Variants in DAO observed in about 807,000 individuals in gnomAD.
DAO encodes D-amino acid oxidase, also known as D-amino-acid oxidase.
In DAO, 51 loss-of-function variants were observed where a neutral mutation model predicts 50.1. The ratio of observed to expected loss-of-function variants is 1.02; its 90% CI spans 0.81 to 1.29. The LOEUF is 1.29. DAO is among the 50% of genes most tolerant of loss of function. DAO has a pLI of 0.00. For missense variants in DAO, 436 were observed against 439.4 expected, an observed-to-expected ratio of 0.99 and a Z score of 0.07; for synonymous variants, 160 against 166.2, an observed-to-expected ratio of 0.96 and a Z score of 0.29.
Position 108,880,187 on chromosome 12 carries a change from T to A in DAO, c.-47T>A. 1 of 454,568 alleles carries A rather than the reference T, an allele frequency of 2.2e-6. No individual in the cohort carries two copies. Among genetic ancestry groups the A allele is most frequent in the South Asian group, 1.6e-5 (1 of 64,130 alleles). 28.2% of individuals were successfully genotyped at this position (454,568 alleles called of 1,614,324 possible). On this transcript the variant is annotated 5_prime_UTR_variant, in exon 1 of 11. Transcript: ENST00000228476. Reference sequence around the variant, plus strand: ...GAAATAGCATCCTGTGTCCCCGCACTGCAGTTGTCTGGTCTCTCCAGCAGT... The same window carrying A: ...GAAATAGCATCCTGTGTCCCCGCACAGCAGTTGTCTGGTCTCTCCAGCAGT...
chr12:108,897,162 A>G (rs2039569218), intron 8 of DAO, 74 bp downstream of exon 8: 2 of 993,324 alleles, frequency 2.0e-6, no homozygotes, highest in Non-Finnish European at 3.2e-6. Flanking sequence ...GCCTCCCCCA[A>G]GCTCCTTACT....
intron 9 of DAO, 118 bp from the exon 10 acceptor site, chr12:108,899,259 G>A: frequency 1.4e-6 from 1 of 726,020 alleles, no homozygotes; most frequent in East Asian, 2.7e-5. Context: ...TGATAAAGAT[G>A]ACTGTGATTA....
At chr12:108,894,199 A>G in intron 6 of DAO, 64 bp from the exon 7 acceptor site, 2 of 1,229,044 alleles carry the variant, frequency 1.6e-6, no homozygotes, top group Non-Finnish European at 2.4e-6. Context: ...AGGGGAAGAG[A>G]GAACAGGGAA....
chr12:108,892,125 C>T (rs1335651304), intron 5 of DAO, among the ~76,000 whole-genome samples: 1 of 143,452 alleles, frequency 7.0e-6, no homozygotes, highest in African/African-American at 2.6e-5. Context: ...ATTTCCTGTT[C>T]TTTGGATGTT....
chr12:108,898,448 G>T, intron 8 of DAO: 1 of 536,966 alleles, frequency 1.9e-6, no homozygotes. Context: ...TGCAGTTGGT[G>T]GTGATGACCT....
In DAO at chr12:108,890,198, G is replaced by A. The variant is rs117594747; in HGVS notation, c.387-10G>A. On this transcript the variant is annotated splice_polypyrimidine_tract_variant and intron_variant, in intron 4 of 10. Coordinates refer to ENST00000228476, the MANE Select transcript of DAO (RefSeq NM_001917.5). ...CCTTTATTTCCACCTTTTGCTTACT[G>A]TGACTCTAGCTATGGCTGGTTCCAC... 0.019 allele frequency: 30,396 copies of A among 1,609,464 alleles called. 368 individuals carry two copies. The highest frequency in any genetic ancestry group is 0.023 in the Non-Finnish European group (27,553 of 1,175,856).
At chr12:108,897,272 A>AATGGTGCG (rs2137366028) in intron 8 of DAO, among the ~76,000 whole-genome samples, 184 bp downstream of exon 8, 1 of 152,158 alleles carries the variant, frequency 6.6e-6, no homozygotes, top group East Asian at 1.9e-4. Flanking sequence ...GCTGGAGTGT[A>AATGGTGCG]ATGGTGCGAT....
In DAO at chr12:108,897,018, T is replaced by A. The variant is rs111347906; in HGVS notation, c.625T>A (p.Trp209Arg). ...RGQIMKVDAP[W>R]MKHFILTHDP... is the part of the protein sequence containing the mutation. The stretch of plus-strand genomic sequence containing the variant: ...CCTGAATCAACAGGTGGACGCCCCT[T>A]GGATGAAGCACTTCATTCTCACCCA... The change falls in exon 8 of 11, where the codon TGG (tryptophan) becomes AGG (arginine). Residue 209 changes from tryptophan (W) to arginine (R), a missense_variant. Coordinates refer to ENST00000228476, the MANE Select transcript of DAO (RefSeq NM_001917.5). 1 of 1,613,890 alleles carries A rather than the reference T, an allele frequency of 6.2e-7. No individual in the cohort carries two copies. The highest frequency in any genetic ancestry group is 1.7e-5 in the Admixed American group (1 of 60,024).
At chr12:108,880,878 A>C (rs1240680829) in intron 1 of DAO, among the ~76,000 whole-genome samples, 2 of 152,134 alleles carry the variant, frequency 1.3e-5, no homozygotes, top group African/African-American at 2.4e-5. Flanking sequence ...ACTGCATGCC[A>C]ACTGCCTAAA....
rs2039477166 is a variant in DAO at position 108,890,248 on chromosome 12, A to G, written c.427A>G (p.Asn143Asp). 4 of 1,613,882 alleles carry G rather than the reference A, an allele frequency of 2.5e-6. No individual in the cohort carries two copies. The highest frequency in any genetic ancestry group is 2.5e-6 in the Non-Finnish European group (3 of 1,179,740). Residue 143 changes from asparagine (N) to aspartate (D), a missense_variant, in exon 5 of 11, where the codon AAC becomes GAC. Physicochemically the swap from Asn to Asp is conservative, Grantham distance 23. Coordinates refer to ENST00000228476, the MANE Select transcript of DAO (RefSeq NM_001917.5). ...FHTSLILEGK[N>D]YLQWLTERLT... The stretch of plus-strand genomic sequence containing the variant: ...CACAAGCCTAATTCTGGAGGGAAAG[A>G]ACTATCTACAGTGGCTGACTGAAAG...
chr12:108,893,109 G>C, intron 6 of DAO, 73 bp downstream of exon 6: 1 of 1,414,950 alleles, frequency 7.1e-7, no homozygotes, highest in African/African-American at 1.4e-5. Context: ...CTGCTGAGTC[G>C]GGGGCTCCCT....
Position 108,885,139 on chromosome 12 carries a change from A to G in DAO, c.133A>G (p.Thr45Ala), listed in dbSNP as rs1039820666. The change falls in exon 2 of 11, where the codon ACC (threonine) becomes GCC (alanine). Residue 45 changes from threonine (T) to alanine (A), a missense_variant. Transcript: ENST00000228476. ...GGACCGCTTCACCCCACTCACCACC[A>G]CCGACGTGGCTGCCGGCCTCTGGCA... ...YADRFTPLTTTDVAAGLWQPY... is the reference protein window; with the variant it reads ...YADRFTPLTTADVAAGLWQPY... 1 of 1,610,936 alleles carries G rather than the reference A, an allele frequency of 6.2e-7. No individual in the cohort carries two copies. Among genetic ancestry groups the G allele is most frequent in the South Asian group, 1.1e-5 (1 of 91,040 alleles).
At chr12:108,887,896 TC>T (rs1233370229) in intron 3 of DAO, among the ~76,000 whole-genome samples, 3 of 152,106 alleles carry the variant, frequency 2.0e-5, no homozygotes, top group Non-Finnish European at 2.9e-5. Flanking sequence ...CCCCTGAAGG[TC>T]CCAAGGCTTT....
At chr12:108,893,930 A>C (rs1299221033) in intron 6 of DAO, among the ~76,000 whole-genome samples, 2 of 152,206 alleles carry the variant, frequency 1.3e-5, no homozygotes, top group Non-Finnish European at 2.9e-5. Flanking sequence ...GGTTCCAGGA[A>C]GATTTCCCCC....
chr12:108,899,410 C>T lies in DAO; in HGVS notation c.847C>T (p.Arg283Trp), dbSNP rs140015394. Residue 283 changes from arginine to tryptophan, a missense_variant, in exon 10 of 11, where the codon CGG becomes TGG. By Grantham distance (101) the Arg-to-Trp change is moderately radical (BLOSUM62 -3). Transcript: ENST00000228476. ...ARIIGERTGF[R>W]PVRPQIRLER... The stretch of plus-strand genomic sequence containing the variant: ...AATTATTGGTGAACGAACTGGCTTC[C>T]GGCCAGTACGCCCCCAGATTCGGCT... The T allele has an allele frequency of 2.1e-5, 34 of 1,613,634 alleles. No individual in the cohort carries two copies. Among genetic ancestry groups the T allele is most frequent in the African/African-American group, 8.0e-5 (6 of 74,914 alleles).
intron 1 of DAO, chr12:108,880,433 G>A: frequency 3.3e-6 from 1 of 304,542 alleles, no homozygotes; most frequent in Non-Finnish European, 6.5e-6. Flanking sequence ...TTCTTCACCT[G>A]GAACATGGGG....
intron 5 of DAO, among the ~76,000 whole-genome samples, chr12:108,890,849 C>T (rs569337250): frequency 4.6e-5 from 7 of 152,146 alleles, no homozygotes; most frequent in Admixed American, 6.5e-5. Flanking sequence ...GATGGAGTCT[C>T]GCTCTGTCAC....
At chr12:108,890,346 C>A in intron 5 of DAO, 73 bp downstream of exon 5, 2 of 1,187,590 alleles carry the variant, frequency 1.7e-6, no homozygotes, top group Non-Finnish European at 2.5e-6. Context: ...GGTTCGTGGG[C>A]TTCCCTCAGC....
chr12:108,883,359 A>G (rs2137337959), intron 1 of DAO, among the ~76,000 whole-genome samples: 1 of 152,152 alleles, frequency 6.6e-6, no homozygotes, highest in Admixed American at 6.5e-5. Flanking sequence ...TCTTGGCCAG[A>G]CTGGTCTTGA....
Sources: allele counts gnomAD v4.1 joint callset (sites outside exome capture counted in the v4.1 genomes callset), GRCh38; gene constraint gnomAD v4.1.1; transcripts MANE v1.5; gene names NCBI Gene and HGNC (gene_info 2026-07-23, HGNC 2026-07-21).